The following DDX5 variants were observed in gnomAD, a reference collection of about 807,000 sequenced individuals.
DDX5 encodes DEAD-box helicase 5.
Under a neutral mutation model 68.6 loss-of-function variants are expected in DDX5, and 6 were observed. That is an observed-to-expected ratio of 0.09 (90% confidence interval 0.05 to 0.17). The LOEUF (loss-of-function observed/expected upper bound fraction) is 0.17, where lower values mean the gene tolerates loss of function less well. Ranked by LOEUF, DDX5 falls within the 10% of genes least tolerant of loss-of-function variation. The pLI, the probability that DDX5 is intolerant of heterozygous loss-of-function variation, is 1.00. For synonymous variants in DDX5, 350 were observed against 247.0 expected (o/e 1.42, Z -3.91); for missense variants, 499 against 756.1 (o/e 0.66, Z 3.99).
rs1555671848 is a variant in DDX5, at chr17:64,504,846, G to A, written c.45-4C>T. 3.3e-5 allele frequency: 53 copies of A among 1,585,826 alleles called. No homozygotes were observed. Among genetic ancestry groups the A allele is most frequent in the Non-Finnish European group, 4.4e-5 (51 of 1,171,990 alleles). ...TCCAAATCGAGGTGCACCAAACCTG[G>A]AATGAAAAAAAACGTTATTCACATT... On this transcript the variant is annotated splice_polypyrimidine_tract_variant and splice_region_variant and intron_variant, in intron 1 of 12. Transcript: ENST00000225792.
At chr17:64,503,152 A>G (rs782190742) in intron 7 of DDX5, 36 bp downstream of exon 7, 4 of 1,612,796 alleles carry the variant, frequency 2.5e-6, no homozygotes, top group Non-Finnish European at 3.4e-6. Context: ...GTGAAAACAC[A>G]ATTCAGTTTG....
In DDX5 at chr17:64,498,437, G is replaced by A. The variant is rs2038209234; in HGVS notation, c.*1486C>T. 6.6e-6 allele frequency among the ~76,000 whole-genome samples: 1 copy of A among 152,170 alleles called. No individual in the cohort carries two copies. The highest frequency in any genetic ancestry group is 1.5e-5 in the Non-Finnish European group (1 of 68,040). ...GTTAAGACATTAAACAGTAAAATAT[G>A]TAATAAATGCTCCAACCTACCCTCT... is the stretch of plus-strand genomic sequence containing the variant. On this transcript the variant is annotated 3_prime_UTR_variant, in exon 13 of 13. Transcript: ENST00000225792.
upstream of DDX5, chr17:64,506,634 AAG>A: frequency 2.7e-6 from 1 of 364,242 alleles, no homozygotes; most frequent in South Asian, 2.9e-5. Context: ...CTGTAACCAA[AAG>A]AGGGGGAAGG....
rs2038357910 is a variant in DDX5 at position 64,503,833 on chromosome 17, CTGA to C, written c.474_476del (p.His158del). 1 of 1,614,078 alleles carries C rather than the reference CTGA, an allele frequency of 6.2e-7. No homozygotes were observed. The highest frequency in any genetic ancestry group is 1.3e-5 in the African/African-American group (1 of 74,928). On this transcript the variant is annotated inframe_deletion, in exon 5 of 13. Transcript: ENST00000225792. Reference sequence around the variant, plus strand: ...GCCCATCGCCTCTCTCTAGGAATGGCTGATGATTGATGTGGACAATGGCAGGAA... The same window carrying C: ...GCCCATCGCCTCTCTCTAGGAATGGCTGATTGATGTGGACAATGGCAGGAA...
intron 12 of DDX5, 96 bp from the exon 13 acceptor site, chr17:64,500,422 G>C: frequency 6.5e-7 from 1 of 1,532,672 alleles, no homozygotes; most frequent in Non-Finnish European, 8.8e-7. Context: ...GGCGTGAAAT[G>C]TTTTTACAAT....
chr17:64,502,905 A>G lies in DDX5; in HGVS notation c.983+21T>C, dbSNP rs376065663. The G allele has an allele frequency of 1.9e-5, 29 of 1,558,294 alleles. 1 individual carries two copies. The East Asian group carries it at 2.5e-4, about 13-fold the overall frequency. On this transcript the variant is annotated intron_variant, in intron 8 of 12. Coordinates refer to ENST00000225792, the MANE Select transcript of DDX5 (RefSeq NM_004396.5). ...AGCAAAGTTGTTAGGAAGCAAATAT[A>G]ACAGAGTTAATAAAACTTACTTTTC...
chr17:64,504,179 G>A (rs1198284020), intron 3 of DDX5, 43 bp downstream of exon 3: 4 of 1,612,332 alleles, frequency 2.5e-6, no homozygotes, highest in East Asian at 2.2e-5. Flanking sequence ...GGGGTAGGTG[G>A]AAACAAAAAC....
rs1423958418 is a variant in DDX5 at position 64,499,828 on chromosome 17, C to T, written c.*95G>A. The T allele has an allele frequency of 1.6e-6, 2 of 1,227,424 alleles. No homozygotes were observed. The highest frequency in any genetic ancestry group is 2.2e-6 in the Non-Finnish European group (2 of 909,438). The allele number at this position is 1,227,424 out of a possible 1,614,324, so 76.0% of individuals were successfully genotyped here. A position where few individuals can be genotyped will look rare whatever the true frequency, so the allele number is the denominator to read the frequency against. ...TACTGCTGCACTGCAGTCATTTCTGCAATTCCCATGTTTCTTAAATAACTA... is the reference window on the plus strand; with the variant it reads ...TACTGCTGCACTGCAGTCATTTCTGTAATTCCCATGTTTCTTAAATAACTA... On this transcript the variant is annotated 3_prime_UTR_variant, in exon 13 of 13. Coordinates refer to ENST00000225792, the MANE Select transcript of DDX5 (RefSeq NM_004396.5).
intron 1 of DDX5, chr17:64,505,197 G>A (rs965918776): frequency 7.6e-6 from 2 of 264,656 alleles, no homozygotes; most frequent in Non-Finnish European, 1.4e-5. Context: ...TTCACTATCA[G>A]CAATAACAAG....
At chr17:64,500,392 A>C in intron 12 of DDX5, 66 bp from the exon 13 acceptor site, 5 of 1,553,370 alleles carry the variant, frequency 3.2e-6, no homozygotes, top group Non-Finnish European at 3.5e-6. Context: ...GGACAGAAAG[A>C]AACAGATCTA....
Position 64,503,837 on chromosome 17 carries a change from T to C in DDX5, c.473A>G (p.His158Arg). The C allele has an allele frequency of 1.2e-6, 2 of 1,614,248 alleles. No homozygotes were observed. Among genetic ancestry groups the C allele is most frequent in the Non-Finnish European group, 1.7e-6 (2 of 1,180,042 alleles). Residue 158 changes from histidine to arginine, a missense_variant, in exon 5 of 13, where the codon CAT becomes CGT. Physicochemically the swap from His to Arg is conservative, Grantham distance 29. This residue lies in a region of DDX5 where 141 missense variants were observed against 279.8 expected (regional missense o/e 0.50). Transcript: ENST00000225792. ...YLLPAIVHIN[H>R]QPFLERGDGP... ...ATCGCCTCTCTCTAGGAATGGCTGA[T>C]GATTGATGTGGACAATGGCAGGAAG...
intron 1 of DDX5, chr17:64,505,676 C>G (rs144709323): frequency 3.4e-6 from 5 of 1,474,902 alleles, no homozygotes; most frequent in Non-Finnish European, 4.6e-6. Context: ...AGCACCAGGG[C>G]TTTGGAAGTG....
rs1202840147 is a variant in DDX5, at chr17:64,498,645, C to A, written c.*1278G>T. On this transcript the variant is annotated 3_prime_UTR_variant, in exon 13 of 13. Transcript: ENST00000225792. ...CATAAGGCATTAACATCAATTAAAG[C>A]CTCAGTTTAATAATCAGAATTTAAA... Among the ~76,000 whole-genome samples the A allele has an allele frequency of 6.6e-6, 1 of 152,144 alleles. No homozygotes were observed. Among genetic ancestry groups the A allele is most frequent in the Non-Finnish European group, 1.5e-5 (1 of 68,016 alleles).
At chr17:64,502,790 A>C in intron 8 of DDX5, 136 bp downstream of exon 8, 2 of 931,150 alleles carry the variant, frequency 2.1e-6, no homozygotes, top group Non-Finnish European at 3.1e-6. Context: ...GGATTCAAGA[A>C]ATTTTCAGGA....
chr17:64,506,411 G>A (rs2038527735), upstream of DDX5: 1 of 1,389,932 alleles, frequency 7.2e-7, no homozygotes, highest in Non-Finnish European at 9.3e-7. Context: ...AACGCCCGCT[G>A]GCGTTCCAGG....
chr17:64,505,623 G>C (rs1367549520), intron 1 of DDX5: 4 of 1,061,942 alleles, frequency 3.8e-6, no homozygotes, highest in Non-Finnish European at 5.6e-6. Flanking sequence ...TTGTACTCGC[G>C]ACTCAGCCAC....
At chr17:64,504,411 C>T in intron 2 of DDX5, 93 bp from the exon 3 acceptor site, 1 of 1,188,066 alleles carries the variant, frequency 8.4e-7, no homozygotes, top group Non-Finnish European at 1.2e-6. Context: ...AATTTAGTAA[C>T]TAGTTTAAAG....
In DDX5 at chr17:64,506,169, C is replaced by G; in HGVS notation, c.-50G>C. 1 of 1,596,424 alleles carries G rather than the reference C, an allele frequency of 6.3e-7. No individual in the cohort carries two copies. The highest frequency in any genetic ancestry group is 8.5e-7 in the Non-Finnish European group (1 of 1,171,762). ...GGAACGAAGTATATAGAAAAGCGTG[C>G]GACAAGTCGCTGGAAATGGCCTCGA... On this transcript the variant is annotated 5_prime_UTR_variant, in exon 1 of 13. Transcript: ENST00000225792.
Position 64,499,930 on chromosome 17 carries a change from G to A in DDX5, c.1838C>T (p.Ser613Phe). The A allele has an allele frequency of 6.3e-7, 1 of 1,595,616 alleles. No individual in the cohort carries two copies. The highest frequency in any genetic ancestry group is 8.5e-7 in the Non-Finnish European group (1 of 1,169,670). ...ACATATACTTCTAAAGTCTTATTGG[G>A]AATATCCTGTTGGCATTGGATAACC... ...MIGYPMPTGY[S>F]Q is the part of the protein sequence containing the mutation. Residue 613 changes from serine to phenylalanine, a missense_variant, in exon 13 of 13, where the codon TCC (serine) becomes TTC (phenylalanine). This residue lies in a region of DDX5 where 171 missense variants were observed against 174.8 expected (regional missense o/e 0.98). Transcript: ENST00000225792.
Sources: allele counts gnomAD v4.1 joint callset (sites outside exome capture counted in the v4.1 genomes callset), GRCh38; gene constraint gnomAD v4.1.1; regional missense constraint gnomAD v4.1.1; transcripts MANE v1.5; gene names NCBI Gene and HGNC (gene_info 2026-07-23, HGNC 2026-07-21).